UPP2: variants seen among roughly 807,000 people sequenced by gnomAD.
UPP2 encodes uridine phosphorylase 2.
UPP2 carries 23 observed loss-of-function variants against 26.7 expected under a neutral mutation model. The ratio of observed to expected loss-of-function variants is 0.86; its 90% CI spans 0.62 to 1.22. The LOEUF (loss-of-function observed/expected upper bound fraction) is 1.22, where lower values mean the gene tolerates loss of function less well. Ranked by LOEUF, UPP2 falls within the 50% of genes most tolerant of loss-of-function variation. The probability of loss-of-function intolerance (pLI) is 0.00; values close to 1 mark genes in which losing one functional copy is unlikely to be tolerated. For synonymous variants in UPP2, 127 were observed against 141.3 expected, an observed-to-expected ratio of 0.90 and a Z score of 0.72; for missense variants, 387 against 396.7, an observed-to-expected ratio of 0.98 and a Z score of 0.21.
intron 6 of UPP2, among the ~76,000 whole-genome samples, chr2:158,133,403 G>C (rs1310275645): frequency 6.6e-6 from 1 of 152,126 alleles, no homozygotes; most frequent in Non-Finnish European, 1.5e-5. Flanking sequence ...TGGTCGAAGG[G>C]TGCAAAATTT....
intron 2 of UPP2, among the ~76,000 whole-genome samples, chr2:158,005,510 C>T (rs13406519): frequency 0.029 from 4,407 of 152,248 alleles, 88 homozygotes; most frequent in African/African-American, 0.052. Flanking sequence ...GAATCAGAAT[C>T]AGGGTGGGAA....
chr2:158,048,552 T>C (rs879428874), intron 3 of UPP2, among the ~76,000 whole-genome samples: 4 of 152,204 alleles, frequency 2.6e-5, no homozygotes, highest in Non-Finnish European at 5.9e-5. Context: ...TGCAGTGAGC[T>C]GTGATTGCAC....
intron 2 of UPP2, among the ~76,000 whole-genome samples, chr2:157,997,662 G>A (rs370654077): frequency 1.2e-4 from 19 of 152,224 alleles, no homozygotes; most frequent in East Asian, 1.2e-3. Flanking sequence ...CTTTTAAGCC[G>A]TTGTCTCCCA....
At chr2:158,104,143 A>G (rs1255253294) in intron 1 of UPP2, among the ~76,000 whole-genome samples, 13 of 152,226 alleles carry the variant, frequency 8.5e-5, no homozygotes, top group Non-Finnish European at 1.5e-5. Context: ...GGGGATTCGC[A>G]GTCTTTCTAG....
chr2:158,103,390 G>T (rs1002300436), intron 1 of UPP2, among the ~76,000 whole-genome samples: 18 of 152,188 alleles, frequency 1.2e-4, no homozygotes, highest in Non-Finnish European at 2.5e-4. Flanking sequence ...GATAGGAAGT[G>T]TGTGTATAGA....
intron 3 of UPP2, among the ~76,000 whole-genome samples, chr2:158,076,025 C>T (rs780718020): frequency 6.6e-6 from 1 of 151,822 alleles, no homozygotes; most frequent in African/African-American, 2.4e-5. Flanking sequence ...TTCAAAGGAT[C>T]ACTAGTGGCT....
At chr2:158,065,223 C>T (rs942082446) in intron 3 of UPP2, among the ~76,000 whole-genome samples, 1 of 152,184 alleles carries the variant, frequency 6.6e-6, no homozygotes, top group South Asian at 2.1e-4. Flanking sequence ...AAATTCATTA[C>T]TACTCTACCA....
chr2:158,088,649 C>T (rs2105200479), intron 3 of UPP2, among the ~76,000 whole-genome samples: 1 of 152,298 alleles, frequency 6.6e-6, no homozygotes, highest in African/African-American at 2.4e-5. Context: ...GGCTGCTGTT[C>T]AGATTCTTTT....
chr2:158,048,528 C>T (rs1214218984), intron 3 of UPP2, among the ~76,000 whole-genome samples: 1 of 152,158 alleles, frequency 6.6e-6, no homozygotes, highest in African/African-American at 2.4e-5. Flanking sequence ...TGTTCGAGCC[C>T]AAGAAATGGA....
chr2:158,064,658 TG>T (rs1458209754), intron 3 of UPP2, among the ~76,000 whole-genome samples: 16 of 152,346 alleles, frequency 1.1e-4, no homozygotes, highest in African/African-American at 3.6e-4. Flanking sequence ...ATGAAGTCTT[TG>T]CTCATGCCTA....
intron 2 of UPP2, among the ~76,000 whole-genome samples, chr2:158,009,497 G>A (rs1347378980): frequency 6.6e-6 from 1 of 152,168 alleles, no homozygotes; most frequent in Non-Finnish European, 1.5e-5. Context: ...TTCTGAGTGT[G>A]GTTTTACTGG....
intron 3 of UPP2, among the ~76,000 whole-genome samples, chr2:158,018,856 A>G (rs888621562): frequency 6.6e-6 from 1 of 152,180 alleles, no homozygotes; most frequent in African/African-American, 2.4e-5. Context: ...TATGCTTAAC[A>G]GCTCCCAGAT....
intron 2 of UPP2, among the ~76,000 whole-genome samples, chr2:158,014,696 T>C (rs1052385685): frequency 1.3e-5 from 2 of 152,178 alleles, no homozygotes; most frequent in African/African-American, 2.4e-5. Flanking sequence ...CACTACTGAT[T>C]AATACAGCTA....
rs1157629935 is a variant in UPP2 at position 158,121,550 on chromosome 2, G to A, written c.596G>A (p.Cys199Tyr). The change falls in exon 5 of 7, where the codon TGT becomes TAT. Residue 199 changes from cysteine to tyrosine, a missense_variant. Transcript: ENST00000005756. ...DKELSEELFN[C>Y]SKEIPNFPTL... is the part of the protein sequence containing the mutation. ...GAACTGTCTGAAGAACTGTTCAACTGTAGCAAAGAAATCCCCAACTTCCCA... is the reference window on the plus strand; with the variant it reads ...GAACTGTCTGAAGAACTGTTCAACTATAGCAAAGAAATCCCCAACTTCCCA... The A allele has an allele frequency of 1.2e-6, 2 of 1,613,434 alleles. No individual in the cohort carries two copies. Among genetic ancestry groups the A allele is most frequent in the Admixed American group, 1.7e-5 (1 of 59,998 alleles).
intron 2 of UPP2, among the ~76,000 whole-genome samples, chr2:158,106,993 C>T (rs554211411): frequency 1.0e-3 from 152 of 152,282 alleles, no homozygotes; most frequent in African/African-American, 3.4e-3. Context: ...TTATTACATT[C>T]TTTTGAAACA....
At chr2:158,083,522 A>G (rs969230474) in intron 3 of UPP2, among the ~76,000 whole-genome samples, 2 of 151,842 alleles carry the variant, frequency 1.3e-5, no homozygotes, top group African/African-American at 4.8e-5. Context: ...ACATGGACAC[A>G]GGGAGGGGAA....
chr2:158,132,435 T>C (rs181495183), intron 6 of UPP2, among the ~76,000 whole-genome samples: 16 of 152,296 alleles, frequency 1.1e-4, no homozygotes, highest in Admixed American at 2.0e-4. Context: ...ACTGGGCCAT[T>C]TGGTTGATCA....
At chr2:158,006,489 A>AAG (rs1231744003) in intron 2 of UPP2, among the ~76,000 whole-genome samples, 2 of 151,766 alleles carry the variant, frequency 1.3e-5, no homozygotes, top group African/African-American at 4.8e-5. Flanking sequence ...AAAAAAAAAA[A>AAG]AAAAAAAAAA....
At chr2:158,034,856 G>A (rs539227759) in intron 3 of UPP2, among the ~76,000 whole-genome samples, 1 of 152,124 alleles carries the variant, frequency 6.6e-6, no homozygotes, top group Non-Finnish European at 1.5e-5. Flanking sequence ...CTGTGGAAAG[G>A]TCACTGTCAG....
Sources: allele counts gnomAD v4.1 joint callset (sites outside exome capture counted in the v4.1 genomes callset), GRCh38; gene constraint gnomAD v4.1.1; transcripts MANE v1.5; gene names NCBI Gene and HGNC (gene_info 2026-07-23, HGNC 2026-07-21).